Variants in ERBB4 observed in about 807,000 individuals in gnomAD.
ERBB4 encodes the protein erb-b2 receptor tyrosine kinase 4, also known as receptor tyrosine-protein kinase erbB-4.
ERBB4 carries 42 observed loss-of-function variants against 158.0 expected under a neutral mutation model. The observed-to-expected ratio is 0.27, with a 90% CI of 0.21 to 0.34. The LOEUF (loss-of-function observed/expected upper bound fraction) is 0.34, where lower values mean the gene tolerates loss of function less well. Ranked by LOEUF, ERBB4 falls within the 10% of genes least tolerant of loss-of-function variation. The pLI, the probability that ERBB4 is intolerant of heterozygous loss-of-function variation, is 1.00. For missense variants in ERBB4, 1,333 were observed against 1,624.1 expected, an observed-to-expected ratio of 0.82 and a Z score of 3.08; for synonymous variants, 583 against 558.7, an observed-to-expected ratio of 1.04 and a Z score of -0.61.
At chr2:211,400,944 TAA>T (rs903840908) in intron 25 of ERBB4, among the ~76,000 whole-genome samples, 6 of 152,180 alleles carry the variant, frequency 3.9e-5, no homozygotes, top group African/African-American at 1.2e-4. Context: ...TAAAAATTTT[TAA>T]AAAGTTTAAA....
chr2:211,443,073 C>T (rs1198593126), intron 20 of ERBB4, among the ~76,000 whole-genome samples: 1 of 151,992 alleles, frequency 6.6e-6, no homozygotes, highest in Admixed American at 6.6e-5. Flanking sequence ...ACTCCTTACT[C>T]ATCCTTACTC....
chr2:211,488,076 T>G (rs956689330), intron 20 of ERBB4, among the ~76,000 whole-genome samples: 2 of 152,188 alleles, frequency 1.3e-5, no homozygotes, highest in Admixed American at 6.5e-5. Flanking sequence ...CATTTTTTTT[T>G]TTGTTCTTCT....
chr2:211,471,893 A>G (rs1240712894), intron 20 of ERBB4, among the ~76,000 whole-genome samples: 2 of 152,080 alleles, frequency 1.3e-5, no homozygotes, highest in African/African-American at 2.4e-5. Context: ...TGTAACCCCA[A>G]TGACTCAAGA....
Position 211,769,546 on chromosome 2 carries a change from G to A in ERBB4, c.556+18479C>T, listed in dbSNP as rs185613964. Among the ~76,000 whole-genome samples the A allele has an allele frequency of 1.4e-3, 211 of 152,328 alleles. 1 individual carries two copies. Among genetic ancestry groups the A allele is most frequent in the Non-Finnish European group, 2.4e-3 (164 of 68,032 alleles). On this transcript the variant is annotated intron_variant, in intron 4 of 27. Coordinates refer to ENST00000342788, the MANE Select transcript of ERBB4 (RefSeq NM_005235.3). ...GAAAATTGACTCACAGGATCACAAG[G>A]TAAGGTCTCAGGATAGGACATCTGC... is the stretch of plus-strand genomic sequence containing the variant.
chr2:211,711,094 T>C (rs1476803323), intron 9 of ERBB4, among the ~76,000 whole-genome samples: 1 of 151,982 alleles, frequency 6.6e-6, no homozygotes, highest in African/African-American at 2.4e-5. Context: ...TACATACTAT[T>C]ATACTATCTA....
chr2:211,465,662 C>T (rs773093343), intron 20 of ERBB4, among the ~76,000 whole-genome samples: 1 of 152,074 alleles, frequency 6.6e-6, no homozygotes, highest in Non-Finnish European at 1.5e-5. Flanking sequence ...ACTGTATAAT[C>T]AAAATCTATC....
intron 2 of ERBB4, among the ~76,000 whole-genome samples, chr2:212,042,285 C>T (rs2077159490): frequency 6.6e-6 from 1 of 152,076 alleles, no homozygotes; most frequent in Admixed American, 6.6e-5. Context: ...TTCCTTTCTA[C>T]ATGCTGATCT....
At chr2:212,526,599 T>TCAAGTCACAG (rs1692459764) in intron 1 of ERBB4, among the ~76,000 whole-genome samples, 1 of 152,050 alleles carries the variant, frequency 6.6e-6, no homozygotes, top group Non-Finnish European at 1.5e-5. Flanking sequence ...AGTTGATATT[T>TCAAGTCACAG]TTTTAAAACT....
At chr2:211,679,826 CACA>C (rs1553608990) in intron 12 of ERBB4, among the ~76,000 whole-genome samples, 7 of 152,076 alleles carry the variant, frequency 4.6e-5, no homozygotes, top group Non-Finnish European at 1.0e-4. Flanking sequence ...ATTACAGGCT[CACA>C]CTACCACGCC....
intron 6 of ERBB4, among the ~76,000 whole-genome samples, chr2:211,724,850 G>GT (rs1250087462): frequency 6.6e-6 from 1 of 152,106 alleles, no homozygotes; most frequent in East Asian, 1.9e-4. Context: ...AACCTCATTT[G>GT]TAACATAAAT....
intron 1 of ERBB4, among the ~76,000 whole-genome samples, chr2:212,379,999 G>A (rs1391809522): frequency 3.4e-5 from 5 of 148,738 alleles, no homozygotes; most frequent in Admixed American, 2.0e-4. Context: ...TACAGAAAAT[G>A]CTAAAGAGTT....
chr2:212,277,219 T>C (rs2085573415), intron 1 of ERBB4, among the ~76,000 whole-genome samples: 1 of 151,806 alleles, frequency 6.6e-6, no homozygotes, highest in African/African-American at 2.4e-5. Flanking sequence ...GGGAAGCATT[T>C]CCAGCACTAT....
chr2:211,926,106 G>C (rs969137280), intron 3 of ERBB4, among the ~76,000 whole-genome samples: 1 of 152,106 alleles, frequency 6.6e-6, no homozygotes, highest in Non-Finnish European at 1.5e-5. Flanking sequence ...GGAATGTCTC[G>C]GAGCCACGTT....
chr2:212,378,882 T>C (rs1222964464), intron 1 of ERBB4, among the ~76,000 whole-genome samples: 8 of 151,974 alleles, frequency 5.3e-5, no homozygotes, highest in Non-Finnish European at 8.8e-5. Flanking sequence ...ATAAACTATT[T>C]AAAACTGATG....
At chr2:211,831,209 A>G (rs2077210999) in intron 3 of ERBB4, among the ~76,000 whole-genome samples, 1 of 152,190 alleles carries the variant, frequency 6.6e-6, no homozygotes, top group Non-Finnish European at 1.5e-5. Context: ...CGCTTTCCAA[A>G]GGTTTTTCAA....
intron 2 of ERBB4, among the ~76,000 whole-genome samples, chr2:212,079,828 T>C (rs1330477831): frequency 6.6e-6 from 1 of 152,102 alleles, no homozygotes; most frequent in Non-Finnish European, 1.5e-5. Flanking sequence ...CTTCTTTCTT[T>C]GATAGTGCAA....
At chr2:211,910,791 C>T (rs576638961) in intron 3 of ERBB4, among the ~76,000 whole-genome samples, 3 of 152,180 alleles carry the variant, frequency 2.0e-5, no homozygotes, top group South Asian at 2.1e-4. Flanking sequence ...ATTATTCAGA[C>T]GTTATCAGCA....
intron 19 of ERBB4, among the ~76,000 whole-genome samples, chr2:211,596,326 A>AT (rs982642576): frequency 6.6e-6 from 1 of 152,268 alleles, no homozygotes; most frequent in Non-Finnish European, 1.5e-5. Flanking sequence ...TTTTATTTTC[A>AT]TTTTTGGAAG....
chr2:211,520,093 G>A (rs185004464), intron 20 of ERBB4, among the ~76,000 whole-genome samples: 1 of 152,246 alleles, frequency 6.6e-6, no homozygotes, highest in Non-Finnish European at 1.5e-5. Flanking sequence ...TAGAAAGGGT[G>A]TAATAAAGAT....
Sources: allele counts gnomAD v4.1 joint callset (sites outside exome capture counted in the v4.1 genomes callset), GRCh38; gene constraint gnomAD v4.1.1; transcripts MANE v1.5; gene names NCBI Gene and HGNC (gene_info 2026-07-23, HGNC 2026-07-21).